The following NAV3 variants were observed in gnomAD, a reference collection of about 807,000 sequenced individuals.
NAV3 encodes pore membrane and/or filament interacting like protein 1.
In NAV3, 87 loss-of-function variants were observed where a neutral mutation model predicts 244.7. That is an observed-to-expected ratio of 0.36 (90% CI 0.30 to 0.42). The LOEUF is 0.42. Among genes scored for constraint, NAV3 ranks in the 20% least tolerant of loss-of-function variants. The pLI, the probability that NAV3 is intolerant of heterozygous loss-of-function variation, is 1.00. For synonymous variants in NAV3, 1,126 were observed against 1,042.2 expected (o/e 1.08, Z -1.55); for missense variants, 2,663 against 2,893.3 (o/e 0.92, Z 1.83).
chr12:78,123,161 A>T (rs1351032829), intron 16 of NAV3, among the ~76,000 whole-genome samples: 1 of 152,082 alleles, frequency 6.6e-6, no homozygotes, highest in African/African-American at 2.4e-5. Context: ...TCTTGATTAT[A>T]CTGTACTGAC....
At position 78,197,412 on chromosome 12, in the gene NAV3, C is replaced by A; in HGVS notation, c.6446+11C>A. ...TAAATACAACAAATGGTATGCTTAT[C>A]AAATATTCTGAATAATGAAATATGA... On this transcript the variant is annotated intron_variant, in intron 35 of 39. Coordinates refer to ENST00000397909, the MANE Select transcript of NAV3 (RefSeq NM_001024383.2). The A allele has an allele frequency of 6.4e-7, 1 of 1,571,598 alleles. No homozygotes were observed.
intron 1 of NAV3, among the ~76,000 whole-genome samples, chr12:77,871,598 C>T (rs975652727): frequency 2.0e-5 from 3 of 152,138 alleles, no homozygotes; most frequent in Admixed American, 1.3e-4. Flanking sequence ...TTATCTATGT[C>T]CCTGCAAAGG....
intron 12 of NAV3, among the ~76,000 whole-genome samples, chr12:78,083,626 G>A (rs762458466): frequency 3.9e-5 from 6 of 152,010 alleles, no homozygotes; most frequent in Non-Finnish European, 8.8e-5. Flanking sequence ...CATTCTACTT[G>A]TACTTCAGTC....
chr12:78,143,626 G>GAAAAAAAAAAAAAAAA (rs71088361), intron 20 of NAV3, among the ~76,000 whole-genome samples: 1 of 75,958 alleles, frequency 1.3e-5, no homozygotes. Context: ...CACTGTCTCA[G>GAAAAAAAAAAAAAAAA]AAAAAAAAAA....
chr12:78,137,091 T>C, intron 18 of NAV3, 86 bp from the exon 19 acceptor site: 2 of 1,244,926 alleles, frequency 1.6e-6, no homozygotes, highest in Non-Finnish European at 2.2e-6. Context: ...TCATAAGTAT[T>C]GGGATCATGT....
At chr12:77,727,751 A>C (rs894964485) in intron 2 of NAV3, among the ~76,000 whole-genome samples, 1 of 152,024 alleles carries the variant, frequency 6.6e-6, no homozygotes, top group African/African-American at 2.4e-5. Context: ...TGTATGAGAC[A>C]ACTTAGGCAC....
chr12:77,601,450 A>G (rs988108002), intron 2 of NAV3, among the ~76,000 whole-genome samples: 2 of 152,030 alleles, frequency 1.3e-5, no homozygotes, highest in East Asian at 3.9e-4. Context: ...GCTTTCTTAC[A>G]AGCACTAAAG....
chr12:78,121,168 A>G (rs1955651506), intron 15 of NAV3, among the ~76,000 whole-genome samples: 2 of 152,220 alleles, frequency 1.3e-5, no homozygotes, highest in Non-Finnish European at 2.9e-5. Flanking sequence ...TCATTATGCC[A>G]TTACTTCATA....
At chr12:77,695,779 T>C (rs1353440232) in intron 2 of NAV3, among the ~76,000 whole-genome samples, 1 of 152,112 alleles carries the variant, frequency 6.6e-6, no homozygotes, top group Non-Finnish European at 1.5e-5. Context: ...GACCAGAAAT[T>C]ATACACATAC....
chr12:77,915,471 G>A (rs1309640546), intron 1 of NAV3, among the ~76,000 whole-genome samples: 1 of 151,730 alleles, frequency 6.6e-6, no homozygotes, highest in Non-Finnish European at 1.5e-5. Flanking sequence ...ATTGTTGAAC[G>A]TTTGACAAAA....
Position 77,595,221 on chromosome 12 carries a change from A to C in NAV3, c.72+22955A>C, listed in dbSNP as rs1352942610. Among the ~76,000 whole-genome samples the C allele has an allele frequency of 7.9e-5, 12 of 152,302 alleles. No individual in the cohort carries two copies. The East Asian group carries it at 2.3e-3, about 29-fold the overall frequency. On this transcript the variant is annotated intron_variant, in intron 2 of 8. Coordinates refer to the NAV3 transcript ENST00000550042. ...ATGTATATATTATGGAATATTGTTC[A>C]GCTTTAAAAAAAAAGAAAGAAGATT...
intron 2 of NAV3, among the ~76,000 whole-genome samples, chr12:77,819,582 C>A (rs924775113): frequency 6.6e-6 from 1 of 151,846 alleles, no homozygotes; most frequent in Non-Finnish European, 1.5e-5. Context: ...CACCGTTGCT[C>A]TATACCCTAA....
At chr12:78,105,731 G>T (rs1008419205) in intron 12 of NAV3, among the ~76,000 whole-genome samples, 2 of 151,610 alleles carry the variant, frequency 1.3e-5, no homozygotes, top group African/African-American at 4.8e-5. Context: ...AAAACAAAAG[G>T]TTTCTTCATC....
intron 23 of NAV3, among the ~76,000 whole-genome samples, chr12:78,167,379 G>C (rs1238998569): frequency 6.6e-6 from 1 of 151,688 alleles, no homozygotes; most frequent in Non-Finnish European, 1.5e-5. Flanking sequence ...GCTACTAAAA[G>C]TACATAAAGA....
At chr12:78,030,511 A>T (rs1358627068) in intron 9 of NAV3, among the ~76,000 whole-genome samples, 1 of 152,174 alleles carries the variant, frequency 6.6e-6, no homozygotes, top group East Asian at 1.9e-4. Context: ...TGCACTGTGA[A>T]TTGCTCCCTG....
Position 78,077,537 on chromosome 12 carries a change from A to G in NAV3, c.2636+18422A>G, listed in dbSNP as rs928322327. ...AGTTTGCTGACTCCCATGGTGGTGAAACAAATCCAAATCTTAACTGTTAGA... is the reference window on the plus strand; with the variant it reads ...AGTTTGCTGACTCCCATGGTGGTGAGACAAATCCAAATCTTAACTGTTAGA... On this transcript the variant is annotated intron_variant, in intron 12 of 39. Transcript: ENST00000397909. Among the ~76,000 whole-genome samples the G allele has an allele frequency of 3.3e-5, 5 of 152,318 alleles. No homozygotes were observed. In the East Asian group the frequency reaches 9.6e-4, roughly 29 times the overall value.
chr12:77,737,586 C>T (rs779702351), intron 2 of NAV3, among the ~76,000 whole-genome samples: 6 of 151,992 alleles, frequency 3.9e-5, no homozygotes, highest in Non-Finnish European at 5.9e-5. Context: ...GCATTTCATC[C>T]AGGGCAACAA....
At chr12:77,825,603 ATAAAGT>A (rs1872949042) in intron 2 of NAV3, among the ~76,000 whole-genome samples, 1 of 152,174 alleles carries the variant, frequency 6.6e-6, no homozygotes, top group Admixed American at 6.5e-5. Flanking sequence ...AAAGATACAG[ATAAAGT>A]TGAAAGAACG....
intron 1 of NAV3, among the ~76,000 whole-genome samples, chr12:77,835,035 C>T (rs11106921): frequency 0.15 from 23,002 of 151,786 alleles, 4,346 homozygotes; most frequent in African/African-American, 0.45. Context: ...TAAAGGAAAT[C>T]TGGAGTTGAG....
Sources: gnomAD v4.1 joint callset for allele counts (sites outside exome capture counted in the v4.1 genomes callset) on GRCh38, gnomAD v4.1.1 for gene constraint, MANE v1.5 for transcripts, NCBI Gene and HGNC (gene_info 2026-07-23, HGNC 2026-07-21) for gene names.